CFAP91: variants seen among roughly 807,000 people sequenced by gnomAD.
The protein encoded by CFAP91 is cilia- and flagella-associated protein 91.
CFAP91 carries 85 observed loss-of-function variants against 95.9 expected under a neutral mutation model. The observed-to-expected ratio is 0.89, with a 90% CI of 0.74 to 1.06. The LOEUF is 1.06. CFAP91 is among the 50% of genes least tolerant of loss of function. The pLI is 0.00. For missense variants in CFAP91, 962 were observed against 943.4 expected (o/e 1.02, Z -0.26); for synonymous variants, 335 against 327.5 (o/e 1.02, Z -0.25).
chr3:119,755,361 C>T (rs1256871582), intron 17 of CFAP91, among the ~76,000 whole-genome samples: 1 of 152,154 alleles, frequency 6.6e-6, no homozygotes, highest in East Asian at 1.9e-4. Context: ...TATTTGGAGA[C>T]AGGACCTTAG....
At chr3:119,734,292 G>C (rs1324113207) in intron 10 of CFAP91, among the ~76,000 whole-genome samples, 1 of 152,128 alleles carries the variant, frequency 6.6e-6, no homozygotes, top group African/African-American at 2.4e-5. Context: ...AATAAAAATT[G>C]ATGGGAACCT....
chr3:119,735,470 C>G (rs1219067120), intron 10 of CFAP91, among the ~76,000 whole-genome samples: 1 of 151,988 alleles, frequency 6.6e-6, no homozygotes, highest in Non-Finnish European at 1.5e-5. Flanking sequence ...TATCAAAAAA[C>G]CCATTATGAT....
In CFAP91 at chr3:119,751,864, A is replaced by G. The variant is rs561530578; in HGVS notation, c.*1+766A>G. ...AGGCATAGCTTCCAGGGTCCCCACCATGGATTTGCCCAGCTACAAAAGTCA... is the reference window on the plus strand; with the variant it reads ...AGGCATAGCTTCCAGGGTCCCCACCGTGGATTTGCCCAGCTACAAAAGTCA... On this transcript the variant is annotated intron_variant, in intron 17 of 17. Transcript: ENST00000273390. 2.5e-4 allele frequency among the ~76,000 whole-genome samples: 38 copies of G among 152,288 alleles called. 1 individual carries two copies. In the South Asian group the frequency reaches 7.9e-3, roughly 32 times the overall value.
Position 119,744,139 on chromosome 3 carries a change from T to C in CFAP91, c.1845T>C (p.Ser615=), listed in dbSNP as rs146634388. 180 of 1,612,374 alleles carry C rather than the reference T, an allele frequency of 1.1e-4. No individual in the cohort carries two copies. The African/African-American group carries it at 2.2e-3, about 20-fold the overall frequency. Residue 615 remains serine (S), a synonymous_variant, in exon 14 of 18, where the codon AGT becomes AGC. Transcript: ENST00000273390. ...RQRRVREAEE[S]GRRQVEKQRL... is the part of the protein sequence containing the mutation. ...GGCGGGTACGAGAGGCTGAAGAGAG[T>C]GGTCGGCGCCAGGTGGAAAAACAGC...
Position 119,707,490 on chromosome 3 carries a change from C to A in CFAP91, c.288C>A (p.Val96=). The A allele has an allele frequency of 6.3e-7, 1 of 1,598,260 alleles. No homozygotes were observed. The change falls in exon 3 of 18, where the codon GTC becomes GTA. Residue 96 remains valine (V), a synonymous_variant. Coordinates refer to ENST00000273390, the MANE Select transcript of CFAP91 (RefSeq NM_033364.4). ...YSLYWSKSDP[V]PPFISREWKG... ...TATATTGGAGCAAGTCAGATCCTGT[C>A]CCACCATTTATCAGTCGGGAATGGA... is the stretch of plus-strand genomic sequence containing the variant.
intron 17 of CFAP91, among the ~76,000 whole-genome samples, chr3:119,760,254 T>C (rs1263463033): frequency 6.6e-6 from 1 of 151,814 alleles, no homozygotes; most frequent in Non-Finnish European, 1.5e-5. Flanking sequence ...TCAGATAAAA[T>C]AGGTTTTAAG....
chr3:119,764,965 A>G (rs1038506700), intron 17 of CFAP91, 87 bp from the exon 18 acceptor site: 1 of 152,218 alleles, frequency 6.6e-6, no homozygotes, highest in Admixed American at 6.5e-5. Flanking sequence ...GACACACTGT[A>G]TCACAGGAAT....
chr3:119,705,200 T>C (rs1485689244), intron 1 of CFAP91, among the ~76,000 whole-genome samples: 1 of 152,244 alleles, frequency 6.6e-6, no homozygotes, highest in African/African-American at 2.4e-5. Flanking sequence ...ACCAATTGTA[T>C]AGCGTCTTTG....
At position 119,747,212 on chromosome 3, in the gene CFAP91, T is replaced by C; in HGVS notation, c.2000T>C (p.Ile667Thr). The change falls in exon 15 of 18, where the codon ATA becomes ACA. Residue 667 changes from isoleucine (I) to threonine (T), a missense_variant. Physicochemically the swap from Ile to Thr is moderately conservative, Grantham distance 89. Coordinates refer to ENST00000273390, the MANE Select transcript of CFAP91 (RefSeq NM_033364.4). ...NTAEEQARAE[I>T]EKMAEKINDI... ...GCAGAAGAACAAGCCAGGGCAGAAA[T>C]AGAGAAGATGGCTGAGAAAATCAAT... 6.2e-7 allele frequency: 1 copy of C among 1,613,690 alleles called. No homozygotes were observed. Among genetic ancestry groups the C allele is most frequent in the Non-Finnish European group, 8.5e-7 (1 of 1,179,792 alleles).
At chr3:119,742,983 CAA>C (rs1444951972) in intron 13 of CFAP91, among the ~76,000 whole-genome samples, 2 of 152,138 alleles carry the variant, frequency 1.3e-5, no homozygotes, top group Non-Finnish European at 2.9e-5. Flanking sequence ...GATGAAGTTG[CAA>C]AGTCATCTTA....
chr3:119,722,125 C>T (rs934541490), intron 6 of CFAP91, among the ~76,000 whole-genome samples: 1 of 147,806 alleles, frequency 6.8e-6, no homozygotes, highest in Non-Finnish European at 1.5e-5. Flanking sequence ...TACAGTGAAC[C>T]ATGATCTTGC....
intron 5 of CFAP91, 118 bp downstream of exon 5, chr3:119,710,013 A>G: frequency 2.6e-6 from 2 of 775,804 alleles, no homozygotes; most frequent in Non-Finnish European, 4.4e-6. Context: ...ACAAAACATT[A>G]GAAGGGTATG....
At chr3:119,737,224 A>G in intron 10 of CFAP91, 142 bp from the exon 11 acceptor site, 3 of 579,152 alleles carry the variant, frequency 5.2e-6, no homozygotes, top group South Asian at 2.5e-5. Context: ...GGTACAATAT[A>G]CATTATTCAG....
At chr3:119,704,101 T>G (rs979793530) in intron 1 of CFAP91, among the ~76,000 whole-genome samples, 3 of 152,220 alleles carry the variant, frequency 2.0e-5, no homozygotes, top group African/African-American at 7.2e-5. Flanking sequence ...GCTGACATAT[T>G]CTGGCCAGTG....
chr3:119,719,163 G>A (rs1050677230), intron 6 of CFAP91, among the ~76,000 whole-genome samples: 14 of 152,126 alleles, frequency 9.2e-5, no homozygotes, highest in South Asian at 4.1e-4. Flanking sequence ...ATATAATTGC[G>A]TATATAATGC....
chr3:119,729,351 A>G (rs2053849134), intron 7 of CFAP91, among the ~76,000 whole-genome samples: 1 of 152,134 alleles, frequency 6.6e-6, no homozygotes, highest in Non-Finnish European at 1.5e-5. Context: ...TCTGGTTCAG[A>G]AATATCTAAG....
intron 12 of CFAP91, 111 bp downstream of exon 12, chr3:119,739,437 T>G: frequency 3.2e-6 from 3 of 946,128 alleles, no homozygotes; most frequent in Admixed American, 2.0e-5. Flanking sequence ...TGCTATCCTA[T>G]TCAGCTAAAC....
At chr3:119,725,427 C>T (rs1229516848) in intron 6 of CFAP91, among the ~76,000 whole-genome samples, 1 of 152,188 alleles carries the variant, frequency 6.6e-6, no homozygotes, top group Non-Finnish European at 1.5e-5. Context: ...GGTGAATTCT[C>T]AGCTAGTGAT....
At chr3:119,707,227 T>C (rs186095316) in intron 2 of CFAP91, 177 bp from the exon 3 acceptor site, 46 of 533,270 alleles carry the variant, frequency 8.6e-5, no homozygotes, top group African/African-American at 7.9e-4. Flanking sequence ...AAACAGCCAT[T>C]GTCATCAGTT....
Sources: gnomAD v4.1 joint callset for allele counts (sites outside exome capture counted in the v4.1 genomes callset) on GRCh38, gnomAD v4.1.1 for gene constraint, MANE v1.5 for transcripts, NCBI Gene and HGNC (gene_info 2026-07-23, HGNC 2026-07-21) for gene names.